Variants in PKIB observed in about 807,000 individuals in gnomAD.
PKIB encodes the protein cAMP-dependent protein kinase inhibitor beta, also known as PKI-beta.
Under a neutral mutation model 4.5 loss-of-function variants are expected in PKIB, and 2 were observed. That is an observed-to-expected ratio of 0.44 (90% CI 0.18 to 1.39). The LOEUF is 1.39. Among genes scored for constraint, PKIB ranks in the 40% most tolerant of loss-of-function variants. The pLI, the probability that PKIB is intolerant of heterozygous loss-of-function variation, is 0.27. For synonymous variants in PKIB, 38 were observed against 36.0 expected, an observed-to-expected ratio of 1.06 and a Z score of -0.20; for missense variants, 94 against 92.6, an observed-to-expected ratio of 1.02 and a Z score of -0.06.
intron 2 of PKIB, among the ~76,000 whole-genome samples, chr6:122,488,257 AACAC>A (rs1015301503): frequency 6.6e-6 from 1 of 151,964 alleles, no homozygotes; most frequent in African/African-American, 2.4e-5. Context: ...TACACACACA[AACAC>A]ACACATCTCC....
At chr6:122,578,817 C>T (rs867308908) in intron 2 of PKIB, among the ~76,000 whole-genome samples, 7 of 152,134 alleles carry the variant, frequency 4.6e-5, no homozygotes, top group East Asian at 1.9e-4. Context: ...GGAAGGTAAA[C>T]GAATCATGGG....
chr6:122,530,272 T>A (rs1777217787), intron 2 of PKIB, among the ~76,000 whole-genome samples: 1 of 152,110 alleles, frequency 6.6e-6, no homozygotes, highest in Non-Finnish European at 1.5e-5. Context: ...AATTTCTGTG[T>A]TTAAAAAAAA....
chr6:122,655,007 A>C (rs1776710697), intron 2 of PKIB, among the ~76,000 whole-genome samples: 1 of 152,104 alleles, frequency 6.6e-6, no homozygotes, highest in Admixed American at 6.6e-5. Flanking sequence ...GACAGAATTT[A>C]ACTCTTTTGC....
At chr6:122,724,644 A>G (rs1779880390) in intron 4 of PKIB, among the ~76,000 whole-genome samples, 1 of 151,920 alleles carries the variant, frequency 6.6e-6, no homozygotes, top group Non-Finnish European at 1.5e-5. Context: ...CTCCTGTCTG[A>G]TAACTTTGAT....
chr6:122,515,502 A>G (rs1776720126), intron 2 of PKIB, among the ~76,000 whole-genome samples: 1 of 152,224 alleles, frequency 6.6e-6, no homozygotes, highest in Admixed American at 6.5e-5. Context: ...ATAAAGGCAA[A>G]GTCTTCTCAC....
chr6:122,504,190 T>A (rs1358694205), intron 2 of PKIB, among the ~76,000 whole-genome samples: 4 of 152,218 alleles, frequency 2.6e-5, no homozygotes, highest in African/African-American at 7.2e-5. Flanking sequence ...AATCTTTTGA[T>A]CTTAAGGATT....
intron 2 of PKIB, among the ~76,000 whole-genome samples, chr6:122,670,981 A>T (rs1777440042): frequency 6.6e-6 from 1 of 152,202 alleles, no homozygotes; most frequent in Admixed American, 6.5e-5. Context: ...TTAAAAACAA[A>T]ACAAAAATTT....
chr6:122,620,050 G>A (rs971861233), intron 1 of PKIB, among the ~76,000 whole-genome samples: 4 of 151,986 alleles, frequency 2.6e-5, no homozygotes, highest in African/African-American at 9.7e-5. Flanking sequence ...GTAGTAGAGG[G>A]GGGCACATTC....
chr6:122,476,970 C>G (rs1038581361), intron 1 of PKIB, among the ~76,000 whole-genome samples: 1 of 152,006 alleles, frequency 6.6e-6, no homozygotes, highest in Non-Finnish European at 1.5e-5. Context: ...TAAATCAGCA[C>G]CTTCCAATAG....
chr6:122,699,097 C>G (rs1161090057), intron 3 of PKIB, among the ~76,000 whole-genome samples: 1 of 152,082 alleles, frequency 6.6e-6, no homozygotes, highest in African/African-American at 2.4e-5. Flanking sequence ...AAGATCCTGC[C>G]TGCAAAGACT....
chr6:122,499,906 C>A (rs1776176470), intron 2 of PKIB, among the ~76,000 whole-genome samples: 1 of 152,030 alleles, frequency 6.6e-6, no homozygotes, highest in Non-Finnish European at 1.5e-5. Context: ...GTAGCAATAA[C>A]ATTTAAGTGG....
intron 2 of PKIB, among the ~76,000 whole-genome samples, chr6:122,568,251 A>G (rs1329368524): frequency 6.6e-6 from 1 of 152,242 alleles, no homozygotes. Flanking sequence ...TTCTGGACAG[A>G]ATAGTGTGTA....
At chr6:122,506,215 GA>G in intron 2 of PKIB, among the ~76,000 whole-genome samples, 1 of 152,182 alleles carries the variant, frequency 6.6e-6, no homozygotes, top group Non-Finnish European at 1.5e-5. Flanking sequence ...CAATACAGGT[GA>G]AAAGGTGACA....
intron 2 of PKIB, among the ~76,000 whole-genome samples, chr6:122,551,689 C>T (rs1428220424): frequency 1.3e-5 from 2 of 152,180 alleles, no homozygotes; most frequent in Non-Finnish European, 2.9e-5. Context: ...GGGGTCTCAG[C>T]ATTCAGTATT....
At chr6:122,721,183 C>A (rs901457003) in intron 4 of PKIB, among the ~76,000 whole-genome samples, 2 of 152,120 alleles carry the variant, frequency 1.3e-5, no homozygotes, top group Non-Finnish European at 2.9e-5. Flanking sequence ...ATAGATGTTA[C>A]CATAACTAAC....
intron 2 of PKIB, among the ~76,000 whole-genome samples, chr6:122,578,154 T>G (rs975477498): frequency 6.6e-6 from 1 of 152,088 alleles, no homozygotes; most frequent in Non-Finnish European, 1.5e-5. Flanking sequence ...TCCAGGAAGA[T>G]GGATTCTACT....
At chr6:122,633,525 T>G (rs1261571858) in intron 2 of PKIB, among the ~76,000 whole-genome samples, 158 bp downstream of exon 2, 6 of 152,166 alleles carry the variant, frequency 3.9e-5, no homozygotes, top group Non-Finnish European at 7.4e-5. Context: ...AATATAAGAT[T>G]GATAGAATAT....
intron 2 of PKIB, among the ~76,000 whole-genome samples, chr6:122,553,122 C>T (rs770719064): frequency 2.7e-4 from 41 of 152,246 alleles, no homozygotes; most frequent in Non-Finnish European, 5.1e-4. Flanking sequence ...ACCCAAAGCT[C>T]TCTGTCACCC....
chr6:122,496,634 G>A (rs958534648), intron 2 of PKIB, among the ~76,000 whole-genome samples: 2 of 152,114 alleles, frequency 1.3e-5, no homozygotes, highest in African/African-American at 4.8e-5. Flanking sequence ...GAGGATTTTA[G>A]AGCTTGAAAA....
Sources: allele counts gnomAD v4.1 joint callset (sites outside exome capture counted in the v4.1 genomes callset), GRCh38; gene constraint gnomAD v4.1.1; transcripts MANE v1.5; gene names NCBI Gene and HGNC (gene_info 2026-07-23, HGNC 2026-07-21).